UST: variants seen among roughly 807,000 people sequenced by gnomAD.
UST encodes the protein uronyl 2-sulfotransferase.
In UST, 21 loss-of-function variants were observed where a neutral mutation model predicts 45.6. That is an observed-to-expected ratio of 0.46 (90% CI 0.33 to 0.66). The LOEUF (loss-of-function observed/expected upper bound fraction) is 0.66. Among genes scored for constraint, UST ranks in the 30% least tolerant of loss-of-function variants. The pLI is 0.02. For missense variants in UST, 463 were observed against 512.4 expected, an observed-to-expected ratio of 0.90 and a Z score of 0.93; for synonymous variants, 215 against 200.6, an observed-to-expected ratio of 1.07 and a Z score of -0.61.
intron 1 of UST, among the ~76,000 whole-genome samples, chr6:148,847,868 A>G (rs936713421): frequency 2.6e-5 from 4 of 152,240 alleles, no homozygotes; most frequent in African/African-American, 9.6e-5. Flanking sequence ...TGATTTCTGG[A>G]TAAATACTCA....
At chr6:148,861,716 T>G (rs1778316800) in intron 1 of UST, among the ~76,000 whole-genome samples, 1 of 152,232 alleles carries the variant, frequency 6.6e-6, no homozygotes, top group Non-Finnish European at 1.5e-5. Context: ...CTCATTGGTT[T>G]CAGGGAGCAT....
chr6:148,901,405 A>T (rs1283400396), intron 2 of UST, among the ~76,000 whole-genome samples: 1 of 152,118 alleles, frequency 6.6e-6, no homozygotes, highest in African/African-American at 2.4e-5. Context: ...GAAATAGCTT[A>T]TATAGCTCAG....
chr6:149,013,192 G>C (rs967919749), intron 5 of UST, among the ~76,000 whole-genome samples: 1 of 152,156 alleles, frequency 6.6e-6, no homozygotes. Flanking sequence ...GTATTAACTC[G>C]TAAGTTTTGG....
intron 2 of UST, among the ~76,000 whole-genome samples, chr6:148,935,629 G>A (rs1471512630): frequency 6.6e-6 from 1 of 152,122 alleles, no homozygotes; most frequent in Non-Finnish European, 1.5e-5. Context: ...AATATACTTA[G>A]GATTTTGTAT....
At chr6:148,867,419 A>G (rs558334350) in intron 1 of UST, among the ~76,000 whole-genome samples, 4 of 152,100 alleles carry the variant, frequency 2.6e-5, no homozygotes, top group South Asian at 4.2e-4. Context: ...AGTCATACCC[A>G]TGTTAAAATG....
chr6:149,073,223 C>A (rs1346090325), intron 7 of UST, among the ~76,000 whole-genome samples: 1 of 152,142 alleles, frequency 6.6e-6, no homozygotes, highest in Non-Finnish European at 1.5e-5. Context: ...GCAGAAGGAT[C>A]TCTTGATGCC....
intron 5 of UST, among the ~76,000 whole-genome samples, chr6:149,015,396 A>T (rs1443795525): frequency 6.6e-6 from 1 of 152,224 alleles, no homozygotes; most frequent in Admixed American, 6.5e-5. Context: ...CATTTCCCTA[A>T]TAATGCAAAA....
At chr6:148,827,886 A>AGT (rs1777604994) in intron 1 of UST, among the ~76,000 whole-genome samples, 1 of 152,140 alleles carries the variant, frequency 6.6e-6, no homozygotes, top group Non-Finnish European at 1.5e-5. Context: ...TATTTTTAAA[A>AGT]GTGTGTTTTT....
chr6:149,025,735 G>A (rs146718773), intron 7 of UST, among the ~76,000 whole-genome samples: 130 of 152,186 alleles, frequency 8.5e-4, no homozygotes, highest in African/African-American at 2.9e-3. Context: ...CTGAGGCCAG[G>A]TATAGTGACT....
At chr6:149,062,255 C>T (rs1297004755) in intron 7 of UST, among the ~76,000 whole-genome samples, 1 of 152,190 alleles carries the variant, frequency 6.6e-6, no homozygotes, top group Non-Finnish European at 1.5e-5. Flanking sequence ...TCTCTGTCAG[C>T]CTACTATCCA....
chr6:148,932,521 AT>A (rs934559229), intron 2 of UST, among the ~76,000 whole-genome samples: 1 of 152,006 alleles, frequency 6.6e-6, no homozygotes. Flanking sequence ...TCATATGTAT[AT>A]TTTTTTCATA....
At chr6:148,755,365 CAG>C (rs1776075197) in intron 1 of UST, among the ~76,000 whole-genome samples, 1 of 152,120 alleles carries the variant, frequency 6.6e-6, no homozygotes, top group African/African-American at 2.4e-5. Flanking sequence ...ACAAAAATGA[CAG>C]AAAATTTTAG....
chr6:148,900,542 C>T (rs185029838), intron 2 of UST, among the ~76,000 whole-genome samples: 305 of 152,274 alleles, frequency 2.0e-3, no homozygotes, highest in Admixed American at 1.6e-3. Context: ...CACCTTCTGC[C>T]GTGATTGTGA....
intron 5 of UST, among the ~76,000 whole-genome samples, chr6:149,011,068 G>T (rs564273876): frequency 7.2e-5 from 3 of 41,804 alleles, no homozygotes; most frequent in African/African-American, 4.6e-4. Context: ...CTGGACTAGC[G>T]CTCCCAATGA....
At chr6:148,797,680 C>A (rs1008656860) in intron 1 of UST, among the ~76,000 whole-genome samples, 2 of 152,032 alleles carry the variant, frequency 1.3e-5, no homozygotes, top group Non-Finnish European at 2.9e-5. Context: ...TTGGAATAAA[C>A]GTGAAGGTCT....
At chr6:148,831,047 A>ATGAAAGAAAAAGAAAGG (rs1777675700) in intron 1 of UST, among the ~76,000 whole-genome samples, 3 of 147,176 alleles carry the variant, frequency 2.0e-5, no homozygotes, top group Non-Finnish European at 3.0e-5. Context: ...TAAAAGAAAG[A>ATGAAAGAAAAAGAAAGG]TGAAAGAAAA....
chr6:148,927,235 G>A (rs573568912), intron 2 of UST, among the ~76,000 whole-genome samples: 3 of 152,008 alleles, frequency 2.0e-5, no homozygotes, highest in Non-Finnish European at 4.4e-5. Flanking sequence ...AGGGAGGAAG[G>A]GGAAAAATCA....
chr6:148,780,119 G>A (rs200167138), intron 1 of UST, among the ~76,000 whole-genome samples: 9 of 140,262 alleles, frequency 6.4e-5, no homozygotes, highest in Non-Finnish European at 1.3e-4. Flanking sequence ...ACATGTGTGT[G>A]TATATATATA....
chr6:148,968,620 T>C (rs1780853950), intron 5 of UST, among the ~76,000 whole-genome samples: 1 of 152,234 alleles, frequency 6.6e-6, no homozygotes, highest in Non-Finnish European at 1.5e-5. Flanking sequence ...CCATATTTAA[T>C]GAATGGTGGA....
Sources: allele counts gnomAD v4.1 joint callset (sites outside exome capture counted in the v4.1 genomes callset), GRCh38; gene constraint gnomAD v4.1.1; transcripts MANE v1.5; gene names NCBI Gene and HGNC (gene_info 2026-07-23, HGNC 2026-07-21).